Variants in CENPW observed in about 807,000 individuals in gnomAD.
CENPW encodes the protein cancer-up-regulated gene 2 protein.
In CENPW, 3 loss-of-function variants were observed where a neutral mutation model predicts 11.1. That is an observed-to-expected ratio of 0.27 (90% confidence interval 0.12 to 0.70). CENPW has a LOEUF of 0.70. Ranked by LOEUF, CENPW falls within the 30% of genes least tolerant of loss-of-function variation. The pLI is 0.77. For synonymous variants in CENPW, 38 were observed against 42.0 expected, an observed-to-expected ratio of 0.91 and a Z score of 0.37; for missense variants, 100 against 105.6, an observed-to-expected ratio of 0.95 and a Z score of 0.23.
chr6:126,414,252 A>G, the CENPW span, among the ~76,000 whole-genome samples: 7 of 152,090 alleles, frequency 4.6e-5, no homozygotes, highest in African/African-American at 1.7e-4. Context: ...CTTTGGATAG[A>G]TAATCTAGAA....
the CENPW span, among the ~76,000 whole-genome samples, chr6:126,362,264 A>T: frequency 6.6e-6 from 1 of 152,156 alleles, no homozygotes; most frequent in African/African-American, 2.4e-5. Context: ...CCCTATGCAC[A>T]AAAGCTCATG....
the CENPW span, among the ~76,000 whole-genome samples, chr6:126,453,556 G>C: frequency 1.3e-5 from 2 of 151,152 alleles, no homozygotes; most frequent in Non-Finnish European, 3.0e-5. Flanking sequence ...CCTTAAGGGA[G>C]TGCTAAATAT....
the CENPW span, among the ~76,000 whole-genome samples, chr6:126,359,263 T>G: frequency 6.6e-6 from 1 of 152,092 alleles, no homozygotes; most frequent in Non-Finnish European, 1.5e-5. Context: ...CTATTTTTAT[T>G]GCACTGTGGT....
At chr6:126,347,035 G>A (rs142910479) in intron 2 of CENPW, among the ~76,000 whole-genome samples, 166 of 152,164 alleles carry the variant, frequency 1.1e-3, no homozygotes, top group African/African-American at 3.8e-3. Context: ...TGTTGCCTAC[G>A]GTGCAGTTTT....
chr6:126,418,852 G>T, the CENPW span, among the ~76,000 whole-genome samples: 2 of 145,954 alleles, frequency 1.4e-5, no homozygotes, highest in Admixed American at 7.3e-5. Flanking sequence ...AACACCGCAT[G>T]TTCTCACTCA....
the CENPW span, among the ~76,000 whole-genome samples, chr6:126,368,835 C>T: frequency 1.3e-5 from 2 of 152,002 alleles, no homozygotes; most frequent in East Asian, 1.9e-4. Flanking sequence ...TTGGTAGAGA[C>T]GGGATTTCAC....
the CENPW span, among the ~76,000 whole-genome samples, chr6:126,396,388 AG>A: frequency 2.6e-5 from 4 of 152,158 alleles, no homozygotes; most frequent in African/African-American, 9.6e-5. Context: ...TCGAGGCTTA[AG>A]TACTCTTCAG....
At chr6:126,352,785 A>G (rs1240799787), downstream of CENPW, among the ~76,000 whole-genome samples, 1 of 152,056 alleles carries the variant, frequency 6.6e-6, no homozygotes, top group East Asian at 1.9e-4. Flanking sequence ...TTACTGCTAC[A>G]TTTGGTTTCT....
chr6:126,482,040 T>C, the CENPW span, among the ~76,000 whole-genome samples: 1 of 152,086 alleles, frequency 6.6e-6, no homozygotes, highest in Non-Finnish European at 1.5e-5. Flanking sequence ...TTATTTTCCA[T>C]ACTCATCAAA....
chr6:126,476,808 A>G, the CENPW span, among the ~76,000 whole-genome samples: 33 of 152,076 alleles, frequency 2.2e-4, no homozygotes, highest in East Asian at 5.4e-3. Flanking sequence ...CTGTCCTTCT[A>G]TATCTACCTG....
the CENPW span, among the ~76,000 whole-genome samples, chr6:126,453,173 T>C: frequency 1.3e-5 from 2 of 151,084 alleles, no homozygotes; most frequent in South Asian, 4.1e-4. Flanking sequence ...CCAACCTTGC[T>C]AGAGAGGCCA....
chr6:126,458,371 T>C, the CENPW span, among the ~76,000 whole-genome samples: 2 of 151,354 alleles, frequency 1.3e-5, no homozygotes, highest in African/African-American at 2.4e-5. Flanking sequence ...AAATATTTCA[T>C]ATATTCCCCT....
the CENPW span, among the ~76,000 whole-genome samples, chr6:126,446,694 A>G: frequency 2.6e-5 from 4 of 151,126 alleles, no homozygotes; most frequent in Admixed American, 1.3e-4. Flanking sequence ...AAAGTAGAGG[A>G]CAATGTTATT....
chr6:126,439,510 G>A, the CENPW span, among the ~76,000 whole-genome samples: 1 of 151,570 alleles, frequency 6.6e-6, no homozygotes, highest in Non-Finnish European at 1.5e-5. Flanking sequence ...ACTTCTCAGG[G>A]AAAGAGGAGT....
At chr6:126,384,605 C>T in the CENPW span, among the ~76,000 whole-genome samples, 1 of 152,058 alleles carries the variant, frequency 6.6e-6, no homozygotes, top group Admixed American at 6.6e-5. Context: ...CCCTTTGTTA[C>T]ACTATACAAA....
At chr6:126,375,118 A>G in the CENPW span, among the ~76,000 whole-genome samples, 3 of 152,202 alleles carry the variant, frequency 2.0e-5, no homozygotes, top group Non-Finnish European at 4.4e-5. Context: ...CTTTTGAACT[A>G]TGATCTCCAA....
chr6:126,418,992 A>C, the CENPW span, among the ~76,000 whole-genome samples: 2 of 151,578 alleles, frequency 1.3e-5, no homozygotes, highest in Non-Finnish European at 1.5e-5. Flanking sequence ...ATGATGAGTT[A>C]ATGGGTGCAG....
the CENPW span, among the ~76,000 whole-genome samples, chr6:126,355,476 G>T: frequency 3.9e-5 from 6 of 152,040 alleles, no homozygotes; most frequent in Non-Finnish European, 8.8e-5. Context: ...TACAAAAGTG[G>T]TATAAAGGCA....
the CENPW span, among the ~76,000 whole-genome samples, chr6:126,453,252 A>G: frequency 1.3e-5 from 2 of 151,126 alleles, no homozygotes; most frequent in Non-Finnish European, 3.0e-5. Flanking sequence ...CCCCAGACAC[A>G]TAGTCATCAG....
Sources: gnomAD v4.1 joint callset for allele counts (sites outside exome capture counted in the v4.1 genomes callset) on GRCh38, gnomAD v4.1.1 for gene constraint, MANE v1.5 for transcripts, NCBI Gene and HGNC (gene_info 2026-07-23, HGNC 2026-07-21) for gene names.